The following DLG2 variants were observed in gnomAD, a reference collection of about 807,000 sequenced individuals.
The protein encoded by DLG2 is discs large MAGUK scaffold protein 2.
DLG2 carries 45 observed loss-of-function variants against 132.5 expected under a neutral mutation model. The observed-to-expected ratio is 0.34, with a 90% CI of 0.27 to 0.44. The LOEUF is 0.44. DLG2 is among the 20% of genes least tolerant of loss of function. The pLI is 1.00. For missense variants in DLG2, 1,045 were observed against 1,196.9 expected (o/e 0.87, Z 1.87); for synonymous variants, 424 against 419.6 (o/e 1.01, Z -0.13).
At chr11:85,428,314 C>T (rs901311230) in intron 3 of DLG2, among the ~76,000 whole-genome samples, 4 of 152,210 alleles carry the variant, frequency 2.6e-5, no homozygotes, top group Non-Finnish European at 5.9e-5. Context: ...CCCAAATCAA[C>T]AGAATATACA....
At chr11:84,382,742 T>A (rs943062932) in intron 7 of DLG2, among the ~76,000 whole-genome samples, 3 of 152,084 alleles carry the variant, frequency 2.0e-5, no homozygotes, top group African/African-American at 4.8e-5. Context: ...ATATATCACC[T>A]GAAAGAAGTC....
intron 6 of DLG2, among the ~76,000 whole-genome samples, chr11:84,741,710 C>A (rs934801728): frequency 6.6e-6 from 1 of 151,976 alleles, no homozygotes; most frequent in Admixed American, 6.6e-5. Context: ...GGTGACTGTT[C>A]CACCAGACAC....
intron 16 of DLG2, among the ~76,000 whole-genome samples, chr11:83,872,357 A>G (rs1369674957): frequency 6.6e-6 from 1 of 152,188 alleles, no homozygotes; most frequent in East Asian, 1.9e-4. Context: ...AACAAATGGT[A>G]GAGGCCAGGA....
intron 6 of DLG2, among the ~76,000 whole-genome samples, chr11:84,797,454 GC>G (rs1175737870): frequency 6.6e-6 from 1 of 152,094 alleles, no homozygotes; most frequent in Non-Finnish European, 1.5e-5. Context: ...TTTTCAAATA[GC>G]CTGTCTTCAA....
intron 8 of DLG2, among the ~76,000 whole-genome samples, chr11:84,233,127 G>A (rs759270296): frequency 5.3e-5 from 8 of 152,244 alleles, no homozygotes; most frequent in Middle Eastern, 3.4e-3. Context: ...GTTATAGTAG[G>A]TAGCTAGTCA....
intron 17 of DLG2, among the ~76,000 whole-genome samples, chr11:83,825,609 C>T (rs1304442394): frequency 6.6e-6 from 1 of 152,068 alleles, no homozygotes; most frequent in African/African-American, 2.4e-5. Context: ...GAGGGTTTTT[C>T]CTTGTCTACT....
At chr11:85,594,642 A>G (rs983250584) in intron 3 of DLG2, among the ~76,000 whole-genome samples, 1 of 152,222 alleles carries the variant, frequency 6.6e-6, no homozygotes, top group African/African-American at 2.4e-5. Flanking sequence ...GTTACAAAAA[A>G]CATTTGTGTT....
intron 7 of DLG2, among the ~76,000 whole-genome samples, chr11:84,361,167 A>G (rs757082006): frequency 4.6e-5 from 7 of 151,924 alleles, no homozygotes; most frequent in Non-Finnish European, 7.4e-5. Flanking sequence ...AGGGAAAATA[A>G]AAACACTATT....
intron 3 of DLG2, among the ~76,000 whole-genome samples, chr11:85,503,466 G>T (rs779446664): frequency 6.6e-6 from 1 of 151,996 alleles, no homozygotes; most frequent in Non-Finnish European, 1.5e-5. Context: ...GGGTGCTATG[G>T]TTTGAATGTT....
At chr11:83,616,002 A>G (rs1458431552) in intron 19 of DLG2, among the ~76,000 whole-genome samples, 20 of 152,152 alleles carry the variant, frequency 1.3e-4, no homozygotes, top group African/African-American at 4.1e-4. Context: ...TAATATGCAT[A>G]TAGTAGTGTG....
intron 16 of DLG2, among the ~76,000 whole-genome samples, chr11:83,838,350 A>C (rs2056769616): frequency 6.6e-6 from 1 of 152,196 alleles, no homozygotes; most frequent in Non-Finnish European, 1.5e-5. Context: ...TTATAATGAA[A>C]TTATGAGTAA....
intron 3 of DLG2, among the ~76,000 whole-genome samples, chr11:85,556,614 A>G (rs575854703): frequency 5.3e-5 from 8 of 151,880 alleles, no homozygotes; most frequent in South Asian, 2.1e-4. Flanking sequence ...TATATAACTA[A>G]TTTACTTATT....
intron 3 of DLG2, among the ~76,000 whole-genome samples, chr11:85,475,742 T>G (rs1293438654): frequency 6.6e-6 from 1 of 152,092 alleles, no homozygotes; most frequent in East Asian, 1.9e-4. Flanking sequence ...GCATTGTCAT[T>G]GACTAACAAA....
At chr11:84,215,998 T>TA (rs923516409) in intron 8 of DLG2, among the ~76,000 whole-genome samples, 2 of 152,160 alleles carry the variant, frequency 1.3e-5, no homozygotes, top group Admixed American at 6.5e-5. Flanking sequence ...TTTAGTGGCT[T>TA]AAAAAATAGC....
chr11:84,995,842 G>A (rs942343515), intron 6 of DLG2, among the ~76,000 whole-genome samples: 1 of 152,146 alleles, frequency 6.6e-6, no homozygotes, highest in African/African-American at 2.4e-5. Context: ...TAGCAATACA[G>A]ACTATTCTCC....
At chr11:84,010,102 C>T (rs113233576) in intron 11 of DLG2, among the ~76,000 whole-genome samples, 1 of 151,876 alleles carries the variant, frequency 6.6e-6, no homozygotes, top group Non-Finnish European at 1.5e-5. Context: ...TAAAATATAT[C>T]TCAAGAAAAA....
intron 3 of DLG2, among the ~76,000 whole-genome samples, chr11:85,401,177 G>GGA (rs2088056702): frequency 1.3e-5 from 2 of 152,060 alleles, no homozygotes; most frequent in African/African-American, 4.8e-5. Flanking sequence ...TGCAAGACTG[G>GGA]TTCAACATAT....
chr11:84,358,110 G>T (rs2098628613), intron 7 of DLG2, among the ~76,000 whole-genome samples: 2 of 151,926 alleles, frequency 1.3e-5, no homozygotes, highest in Admixed American at 1.3e-4. Flanking sequence ...CATTCAGAAG[G>T]TACTCAACAT....
At chr11:85,455,523 C>T (rs2092393169) in intron 3 of DLG2, among the ~76,000 whole-genome samples, 1 of 152,132 alleles carries the variant, frequency 6.6e-6, no homozygotes, top group South Asian at 2.1e-4. Flanking sequence ...ATTTCTTTCT[C>T]TTGCCTGACT....
Sources: gnomAD v4.1 joint callset for allele counts (sites outside exome capture counted in the v4.1 genomes callset) on GRCh38, gnomAD v4.1.1 for gene constraint, MANE v1.5 for transcripts, NCBI Gene and HGNC (gene_info 2026-07-23, HGNC 2026-07-21) for gene names.